NFASC: variants seen among roughly 807,000 people sequenced by gnomAD.
NFASC encodes neurofascin homolog.
In NFASC, 43 loss-of-function variants were observed where a neutral mutation model predicts 147.5. The ratio of observed to expected loss-of-function variants is 0.29; its 90% CI spans 0.23 to 0.38. The LOEUF (loss-of-function observed/expected upper bound fraction) is 0.38, where lower values mean the gene tolerates loss of function less well. Among genes scored for constraint, NFASC ranks in the 10% least tolerant of loss-of-function variants. NFASC has a pLI of 1.00. For missense variants in NFASC, 1,320 were observed against 1,689.0 expected (o/e 0.78, Z 3.83); for synonymous variants, 622 against 665.5 (o/e 0.93, Z 1.01).
At chr1:204,917,847 C>T (rs1336464753) in intron 1 of NFASC, among the ~76,000 whole-genome samples, 2 of 152,124 alleles carry the variant, frequency 1.3e-5, no homozygotes, top group Non-Finnish European at 1.5e-5. Flanking sequence ...AGGCCCAATT[C>T]CTTCTTCGGG....
chr1:204,958,988 C>T (rs1056637054), intron 8 of NFASC, among the ~76,000 whole-genome samples: 5 of 151,922 alleles, frequency 3.3e-5, no homozygotes, highest in African/African-American at 9.7e-5. Context: ...AACACAGCCC[C>T]ATGCTCCATT....
chr1:204,887,747 CCA>C (rs1419136705), intron 1 of NFASC, among the ~76,000 whole-genome samples: 1 of 151,832 alleles, frequency 6.6e-6, no homozygotes, highest in Non-Finnish European at 1.5e-5. Context: ...CAGGTGTGTA[CCA>C]CAACGCTCAG....
Position 204,987,379 on chromosome 1 carries a change from C to T in NFASC, c.2471-39C>T, listed in dbSNP as rs866494461. The T allele has an allele frequency of 6.3e-6, 10 of 1,596,758 alleles. No homozygotes were observed. The highest frequency in any genetic ancestry group is 7.7e-6 in the Non-Finnish European group (9 of 1,167,788). On this transcript the variant is annotated intron_variant, in intron 21 of 29. Transcript: ENST00000339876. The surrounding 1 kb of genome is among the most constrained non-coding windows in gnomAD (Gnocchi z 4.4). Reference sequence around the variant, plus strand: ...GTGTTTTCCTCATCCTCCCTGCCCCCTCCCCCTCATCTCCCCTGCTCTCTC... The same window carrying T: ...GTGTTTTCCTCATCCTCCCTGCCCCTTCCCCCTCATCTCCCCTGCTCTCTC...
At chr1:205,013,003 C>G (rs1458643783) in intron 29 of NFASC, 137 bp downstream of exon 29, 1 of 674,126 alleles carries the variant, frequency 1.5e-6, no homozygotes, top group African/African-American at 1.8e-5. Context: ...GACTCTGCCT[C>G]TCTGGTGGCG....
chr1:204,837,567 T>TC (rs1207834256), intron 1 of NFASC, among the ~76,000 whole-genome samples: 2 of 152,066 alleles, frequency 1.3e-5, no homozygotes, highest in Non-Finnish European at 2.9e-5. Flanking sequence ...GGGTGGGAAG[T>TC]CCCTTCCCAG....
rs1291321207 is a variant in NFASC, at chr1:205,009,676, G to A, written c.3409G>A (p.Gly1137Ser). 5.6e-6 allele frequency: 9 copies of A among 1,613,904 alleles called. No individual in the cohort carries two copies. Among genetic ancestry groups the A allele is most frequent in the African/African-American group, 1.3e-5 (1 of 75,034 alleles). The change falls in exon 28 of 30, where the codon GGC becomes AGC. Residue 1137 changes from glycine (G) to serine (S), a missense_variant. This residue lies in a region of NFASC where 167 missense variants were observed against 233.8 expected (regional missense o/e 0.71). Transcript: ENST00000339876. ...IVCFIKRSRGGKYPVREKKDV... is the reference protein window; with the variant it reads ...IVCFIKRSRGSKYPVREKKDV... ...CTGTTTCATCAAGAGGAGTCGCGGC[G>A]GCAAGTACCCAGGTGAGATGTGCAA...
chr1:204,958,095 C>T (rs1434319721), intron 8 of NFASC, among the ~76,000 whole-genome samples: 1 of 152,102 alleles, frequency 6.6e-6, no homozygotes, highest in East Asian at 1.9e-4. Context: ...GGCAGCGTAC[C>T]CAGAACCAGC....
At chr1:204,915,144 G>T (rs1238195660) in intron 1 of NFASC, among the ~76,000 whole-genome samples, 1 of 152,154 alleles carries the variant, frequency 6.6e-6, no homozygotes, top group Non-Finnish European at 1.5e-5. Context: ...GCCGGGCGTG[G>T]TGGTGGGTGC....
At chr1:205,009,435 G>A (rs760984631) in intron 27 of NFASC, 122 bp from the exon 28 acceptor site, 3 of 1,044,244 alleles carry the variant, frequency 2.9e-6, no homozygotes, top group Non-Finnish European at 4.5e-6. Context: ...GCTGCTAGGT[G>A]GTAGTGTTAG....
At chr1:205,001,060 C>G in intron 25 of NFASC, 110 bp from the exon 26 acceptor site, 1 of 720,820 alleles carries the variant, frequency 1.4e-6, no homozygotes, top group Non-Finnish European at 2.6e-6. Context: ...TGTGCGTGCG[C>G]GAGTGTGGGC....
At chr1:204,950,873 G>C (rs1232304196) in intron 4 of NFASC, among the ~76,000 whole-genome samples, 1 of 152,114 alleles carries the variant, frequency 6.6e-6, no homozygotes, top group Admixed American at 6.5e-5. Flanking sequence ...TAGCACACTG[G>C]CACTTGGGAC....
At chr1:204,974,882 G>C (rs1403573080) in intron 14 of NFASC, 59 bp downstream of exon 14, 2 of 1,531,136 alleles carry the variant, frequency 1.3e-6, no homozygotes, top group East Asian at 2.3e-5. Flanking sequence ...CATGCTGGCA[G>C]TTATCCACAT....
chr1:204,917,471 T>C (rs2089526392), intron 1 of NFASC, among the ~76,000 whole-genome samples: 1 of 152,216 alleles, frequency 6.6e-6, no homozygotes, highest in South Asian at 2.1e-4. Flanking sequence ...GTTTCACCTA[T>C]GCCCCTACCC....
At chr1:204,913,713 T>C (rs2088331599) in intron 1 of NFASC, among the ~76,000 whole-genome samples, 1 of 151,974 alleles carries the variant, frequency 6.6e-6, no homozygotes, top group Non-Finnish European at 1.5e-5. Flanking sequence ...ACCATGTCTC[T>C]ATAAAAAATT....
chr1:204,867,944 G>T (rs1231493686), intron 1 of NFASC, among the ~76,000 whole-genome samples: 2 of 152,368 alleles, frequency 1.3e-5, no homozygotes, highest in African/African-American at 4.8e-5. Context: ...GCCCTGGACA[G>T]GCCCTCGAGG....
rs1018103419 is a variant in NFASC at position 204,983,979 on chromosome 1, T to C, written c.2470+1959T>C. ...CAGCAGAGAACAAGTCAGAAGCAACTGTAGAGTCCTGCCTGCATAACCAGC... is the reference window on the plus strand; with the variant it reads ...CAGCAGAGAACAAGTCAGAAGCAACCGTAGAGTCCTGCCTGCATAACCAGC... On this transcript the variant is annotated intron_variant, in intron 21 of 29. Coordinates refer to ENST00000339876, the MANE Select transcript of NFASC (RefSeq NM_001005388.3). 2.2e-6 allele frequency: 3 copies of C among 1,338,442 alleles called. No homozygotes were observed. In the African/African-American group the frequency reaches 4.3e-5, roughly 19 times the overall value. 82.9% of individuals were successfully genotyped at this position (1,338,442 alleles called of 1,614,324 possible).
chr1:205,022,434 G>A lies in NFASC; in HGVS notation c.*5895G>A, dbSNP rs1017619550. On this transcript the variant is annotated 3_prime_UTR_variant, in exon 30 of 30. Transcript: ENST00000339876. ...ACCATTCCAATTTGTTCTTTCCCGTGGGGAATTTTTTTTCCCAGCGTCTCC... is the reference window on the plus strand; with the variant it reads ...ACCATTCCAATTTGTTCTTTCCCGTAGGGAATTTTTTTTCCCAGCGTCTCC... The A allele has an allele frequency of 6.6e-6, 1 of 151,082 alleles. No homozygotes were observed. Among genetic ancestry groups the A allele is most frequent in the African/African-American group, 2.4e-5 (1 of 40,824 alleles). The allele number at this position is 151,082 out of a possible 1,614,324, so 9.4% of individuals were successfully genotyped here.
Position 204,987,452 on chromosome 1 carries a change from G to A in NFASC, c.2505G>A (p.Gln835=), listed in dbSNP as rs768036968. The A allele has an allele frequency of 6.2e-7, 1 of 1,614,010 alleles. No homozygotes were observed. The highest frequency in any genetic ancestry group is 8.5e-7 in the Non-Finnish European group (1 of 1,179,998). ...PSAPRRFRVR[Q]PNLETINLEW... ...CCCCTAGGCGTTTCCGAGTCCGGCA[G>A]CCCAACCTGGAGACAATCAACCTGG... The change falls in exon 22 of 30, where the codon CAG becomes CAA. Residue 835 remains glutamine (Q), a synonymous_variant. Transcript: ENST00000339876. This position sits in a 1 kb window ranked among gnomAD's most constrained non-coding sequence, Gnocchi z 4.4.
chr1:205,001,349 G>A, intron 26 of NFASC, 63 bp downstream of exon 26: 1 of 1,022,772 alleles, frequency 9.8e-7, no homozygotes, highest in South Asian at 1.3e-5. Context: ...GCGGGTAGTG[G>A]TAGATGCCAT....
Sources: gnomAD v4.1 joint callset for allele counts (sites outside exome capture counted in the v4.1 genomes callset) on GRCh38, gnomAD v4.1.1 for gene constraint, gnomAD v4.1.1 regional missense constraint, Gnocchi (gnomAD v3.1) non-coding constraint, MANE v1.5 for transcripts, NCBI Gene and HGNC (gene_info 2026-07-23, HGNC 2026-07-21) for gene names.